The following TACC2 variants were observed in gnomAD, a reference collection of about 807,000 sequenced individuals.
The protein encoded by TACC2 is transforming acidic coiled-coil containing protein 2.
Under a neutral mutation model 227.3 loss-of-function variants are expected in TACC2, and 137 were observed. The observed-to-expected ratio is 0.60, with a 90% confidence interval of 0.52 to 0.69. The LOEUF is 0.69. Among genes scored for constraint, TACC2 ranks in the 30% least tolerant of loss-of-function variants. The pLI, the probability that TACC2 is intolerant of heterozygous loss-of-function variation, is 0.00. For synonymous variants in TACC2, 1,523 were observed against 1,487.5 expected, an observed-to-expected ratio of 1.02 and a Z score of -0.55; for missense variants, 3,470 against 3,694.4, an observed-to-expected ratio of 0.94 and a Z score of 1.57.
intron 7 of TACC2, among the ~76,000 whole-genome samples, chr10:122,184,447 C>A (rs754249315): frequency 2.0e-4 from 30 of 152,198 alleles, no homozygotes; most frequent in Admixed American, 4.6e-4. Flanking sequence ...CAAAATCCAG[C>A]TAACCGGATC....
At chr10:122,190,854 T>TGGGGG (rs1409609971) in intron 7 of TACC2, among the ~76,000 whole-genome samples, 2 of 152,294 alleles carry the variant, frequency 1.3e-5, no homozygotes, top group Admixed American at 6.5e-5. Flanking sequence ...CTCTCGATGA[T>TGGGGG]GGACCTTATA....
rs1291502888 is a variant in TACC2 at position 122,087,063 on chromosome 10, C to A, written c.4563C>A (p.Val1521=). Residue 1521 remains valine, a synonymous_variant, in exon 4 of 23, where the codon GTC becomes GTA. Transcript: ENST00000369005. ...GTGTGGGGAAGGAGATGGCAGGTGT[C>A]CCACCCACACTGAGGGAAGACGAGA... ...GAGVGKEMAG[V]PPTLREDERP... The A allele has an allele frequency of 4.3e-6, 7 of 1,613,022 alleles. No homozygotes were observed. The highest frequency in any genetic ancestry group is 5.9e-6 in the Non-Finnish European group (7 of 1,179,618).
At chr10:122,231,493 A>G (rs955796632) in intron 16 of TACC2, among the ~76,000 whole-genome samples, 1 of 152,098 alleles carries the variant, frequency 6.6e-6, no homozygotes, top group African/African-American at 2.4e-5. Context: ...TGCTTGACAC[A>G]TAGTAGGTGT....
chr10:122,175,675 G>T (rs1290069709), intron 7 of TACC2, among the ~76,000 whole-genome samples: 2 of 152,224 alleles, frequency 1.3e-5, no homozygotes, highest in African/African-American at 2.4e-5. Context: ...GGGTGACCAG[G>T]TACGGACTTT....
chr10:122,134,551 C>T (rs1265609319), intron 6 of TACC2, among the ~76,000 whole-genome samples: 12 of 152,170 alleles, frequency 7.9e-5, no homozygotes, highest in Non-Finnish European at 8.8e-5. Context: ...GAACGAAGGC[C>T]CCCAACCCTC....
At chr10:122,014,507 G>A (rs1168205234) in intron 1 of TACC2, among the ~76,000 whole-genome samples, 2 of 152,024 alleles carry the variant, frequency 1.3e-5, no homozygotes, top group African/African-American at 2.4e-5. Context: ...CACCATACCC[G>A]GCCAAGACCT....
chr10:122,228,098 C>A, intron 14 of TACC2, 90 bp downstream of exon 14: 1 of 1,376,662 alleles, frequency 7.3e-7, no homozygotes. Context: ...TTCAGAGCAA[C>A]ACTCACCTGG....
chr10:122,180,487 G>A lies in TACC2; in HGVS notation c.5835-14553G>A, dbSNP rs2093935884. Reference sequence around the variant, plus strand: ...CGAGTAGCTGGGACTACAGGCGCCCGCCACCACACCCGGCTAATTTTTTTG... The same window carrying A: ...CGAGTAGCTGGGACTACAGGCGCCCACCACCACACCCGGCTAATTTTTTTG... On this transcript the variant is annotated intron_variant, in intron 7 of 22. Coordinates refer to ENST00000369005, the MANE Select transcript of TACC2 (RefSeq NM_206862.4). The surrounding 1 kb of genome is among the most constrained non-coding windows in gnomAD (Gnocchi z 4.5). Among the ~76,000 whole-genome samples the A allele has an allele frequency of 6.6e-6, 1 of 151,736 alleles. No homozygotes were observed. Among genetic ancestry groups the A allele is most frequent in the African/African-American group, 2.4e-5 (1 of 41,316 alleles).
chr10:122,119,684 C>T (rs975863010), intron 5 of TACC2, among the ~76,000 whole-genome samples: 5 of 152,172 alleles, frequency 3.3e-5, no homozygotes, highest in African/African-American at 9.7e-5. Flanking sequence ...GAGGCCAAGA[C>T]GGGTGGATCA....
intron 5 of TACC2, among the ~76,000 whole-genome samples, chr10:122,105,043 C>A (rs961740296): frequency 6.6e-6 from 1 of 152,206 alleles, no homozygotes; most frequent in Non-Finnish European, 1.5e-5. Context: ...CTAGATGAAA[C>A]TCCTTTAGTC....
intron 11 of TACC2, among the ~76,000 whole-genome samples, chr10:122,221,561 A>G (rs1429073756): frequency 2.0e-5 from 3 of 152,038 alleles, no homozygotes; most frequent in Non-Finnish European, 2.9e-5. Flanking sequence ...TCTCTGTCAC[A>G]CTGCAGACAC....
At chr10:122,230,041 TAAGA>T (rs1419064783) in intron 15 of TACC2, among the ~76,000 whole-genome samples, 1 of 151,934 alleles carries the variant, frequency 6.6e-6, no homozygotes, top group Non-Finnish European at 1.5e-5. Flanking sequence ...AACTTTACCT[TAAGA>T]AAGAAAAAGG....
chr10:122,047,963 G>A (rs2136147574), intron 2 of TACC2, among the ~76,000 whole-genome samples: 1 of 152,282 alleles, frequency 6.6e-6, no homozygotes, highest in South Asian at 2.1e-4. Flanking sequence ...GGACACAATG[G>A]GATGAACACA....
At chr10:121,990,581 C>T (rs1952987721) in intron 1 of TACC2, among the ~76,000 whole-genome samples, 1 of 151,896 alleles carries the variant, frequency 6.6e-6, no homozygotes, top group South Asian at 2.1e-4. Flanking sequence ...TGTTTCAGAC[C>T]CTCTCCAGGG....
intron 1 of TACC2, among the ~76,000 whole-genome samples, chr10:121,994,985 T>G (rs902790305): frequency 1.9e-4 from 29 of 152,320 alleles, no homozygotes; most frequent in African/African-American, 6.7e-4. Flanking sequence ...GCTGGATGAT[T>G]ACTGGAATTT....
rs556068927 is a variant in TACC2 at position 122,172,901 on chromosome 10, A to G, written c.5835-22139A>G. ...CTGTGTGTGAGAGCGCTGAGTTTGG[A>G]CCCCCAAACCTGTGACTAGCGGAGT... On this transcript the variant is annotated intron_variant, in intron 7 of 22. Transcript: ENST00000369005. Among the ~76,000 whole-genome samples, 4 of 151,812 alleles carry G rather than the reference A, an allele frequency of 2.6e-5. 1 individual carries two copies. The East Asian group carries it at 5.9e-4, about 22-fold the overall frequency.
intron 3 of TACC2, among the ~76,000 whole-genome samples, chr10:122,071,632 G>T (rs1399646477): frequency 6.6e-6 from 1 of 151,238 alleles, no homozygotes; most frequent in Non-Finnish European, 1.5e-5. Context: ...CCAGCACTTT[G>T]GGAGGCCGAG....
intron 8 of TACC2, among the ~76,000 whole-genome samples, chr10:122,195,740 C>T (rs1030431173): frequency 6.6e-6 from 1 of 152,136 alleles, no homozygotes; most frequent in Non-Finnish European, 1.5e-5. Context: ...GAATAGATCT[C>T]GTCCCCACCC....
chr10:122,177,804 C>G (rs1341734333), intron 7 of TACC2, among the ~76,000 whole-genome samples: 1 of 152,126 alleles, frequency 6.6e-6, no homozygotes, highest in African/African-American at 2.4e-5. Flanking sequence ...CTGCCATGGT[C>G]CCTGCTAGAA....
Sources: allele counts gnomAD v4.1 joint callset (sites outside exome capture counted in the v4.1 genomes callset), GRCh38; gene constraint gnomAD v4.1.1; non-coding constraint Gnocchi (gnomAD v3.1); transcripts MANE v1.5; gene names NCBI Gene and HGNC (gene_info 2026-07-23, HGNC 2026-07-21).